The following ME3 variants were observed in gnomAD, a reference collection of about 807,000 sequenced individuals.
The protein encoded by ME3 is NADP-dependent malic enzyme, mitochondrial.
A neutral mutation model predicts 68.9 loss-of-function variants in ME3; 48 were observed. That is an observed-to-expected ratio of 0.70 (90% CI 0.55 to 0.89). The LOEUF (loss-of-function observed/expected upper bound fraction) is 0.89. Ranked by LOEUF, ME3 falls within the 40% of genes least tolerant of loss-of-function variation. The pLI, the probability that ME3 is intolerant of heterozygous loss-of-function variation, is 0.00. For synonymous variants in ME3, 320 were observed against 318.8 expected (o/e 1.00, Z -0.04); for missense variants, 675 against 797.4 (o/e 0.85, Z 1.85).
At chr11:86,446,585 C>T (rs1384324031) in intron 12 of ME3, 98 bp from the exon 13 acceptor site, 14 of 1,206,690 alleles carry the variant, frequency 1.2e-5, no homozygotes, top group African/African-American at 1.5e-5. Flanking sequence ...CCTTCTTCAT[C>T]CTCTCCCAAA....
At chr11:86,559,033 A>G (rs1957068744) in intron 3 of ME3, among the ~76,000 whole-genome samples, 1 of 152,178 alleles carries the variant, frequency 6.6e-6, no homozygotes, top group South Asian at 2.1e-4. Context: ...TCTGTGTTCA[A>G]ATTCTAGCCA....
intron 2 of ME3, among the ~76,000 whole-genome samples, chr11:86,596,001 C>G (rs1411767300): frequency 6.6e-6 from 1 of 152,224 alleles, no homozygotes; most frequent in African/African-American, 2.4e-5. Flanking sequence ...GAAATTCCAA[C>G]AAGTGTTCCC....
At chr11:86,528,968 C>G (rs2139249237) in intron 4 of ME3, among the ~76,000 whole-genome samples, 1 of 152,230 alleles carries the variant, frequency 6.6e-6, no homozygotes, top group South Asian at 2.1e-4. Flanking sequence ...GGAGCAAACA[C>G]ATTCAAAAGC....
At chr11:86,505,939 C>T (rs1025785668) in intron 5 of ME3, among the ~76,000 whole-genome samples, 4 of 152,188 alleles carry the variant, frequency 2.6e-5, no homozygotes, top group Admixed American at 2.6e-4. Flanking sequence ...CTGTCTGCCC[C>T]TTGTCCTCTG....
chr11:86,605,088 G>A (rs1007997421), intron 2 of ME3, among the ~76,000 whole-genome samples: 3 of 152,072 alleles, frequency 2.0e-5, no homozygotes, highest in Non-Finnish European at 4.4e-5. Flanking sequence ...TCATACAAAC[G>A]GAATCATAAC....
At chr11:86,644,866 C>T (rs1938920) in intron 2 of ME3, among the ~76,000 whole-genome samples, 67,730 of 152,002 alleles carry the variant, frequency 0.45, 16,868 homozygotes, top group Non-Finnish European at 0.57. Flanking sequence ...GTACCTGGCT[C>T]ATCTCACTGG....
In ME3 at chr11:86,465,078, G is replaced by A; in HGVS notation, c.919+13C>T. 1.3e-6 allele frequency: 2 copies of A among 1,589,416 alleles called. No homozygotes were observed. Among genetic ancestry groups the A allele is most frequent in the Non-Finnish European group, 1.7e-6 (2 of 1,157,802 alleles). ...AGTCCCCTGTAGCTTCATCAGGTGG[G>A]GTGGAAACCTACCTTGGATGTCATC... On this transcript the variant is annotated intron_variant, in intron 8 of 14. Coordinates refer to ENST00000543262, the Ensembl canonical transcript of ME3.
intron 2 of ME3, among the ~76,000 whole-genome samples, chr11:86,656,103 G>C (rs1228803024): frequency 6.7e-6 from 1 of 150,248 alleles, no homozygotes; most frequent in African/African-American, 2.4e-5. Flanking sequence ...GAAACAACAG[G>C]TGCTGGAGAG....
At chr11:86,463,364 C>G (rs909625888) in intron 8 of ME3, among the ~76,000 whole-genome samples, 1 of 152,228 alleles carries the variant, frequency 6.6e-6, no homozygotes, top group Non-Finnish European at 1.5e-5. Flanking sequence ...CGGTCAGGCT[C>G]TAGCAGGCAG....
chr11:86,520,879 G>C (rs545038059), intron 4 of ME3, among the ~76,000 whole-genome samples: 1 of 152,300 alleles, frequency 6.6e-6, no homozygotes, highest in African/African-American at 2.4e-5. Flanking sequence ...AAAGTTACCA[G>C]ACCTCTCTGA....
At chr11:86,612,071 C>G (rs1942623431) in intron 2 of ME3, among the ~76,000 whole-genome samples, 1 of 152,204 alleles carries the variant, frequency 6.6e-6, no homozygotes, top group Non-Finnish European at 1.5e-5. Context: ...CCTTGCCCCC[C>G]AACCCCCAAC....
At chr11:86,549,082 A>C (rs1203279669) in intron 4 of ME3, among the ~76,000 whole-genome samples, 1 of 152,214 alleles carries the variant, frequency 6.6e-6, no homozygotes, top group African/African-American at 2.4e-5. Context: ...AATGCTCACT[A>C]AAGTTGAGAT....
chr11:86,501,015 T>C (rs1459381859), intron 5 of ME3, among the ~76,000 whole-genome samples: 1 of 152,210 alleles, frequency 6.6e-6, no homozygotes, highest in African/African-American at 2.4e-5. Flanking sequence ...AACTTTGTTT[T>C]AAAATGCACA....
At chr11:86,448,207 G>A in exon 11 of ME3, 1 of 1,614,178 alleles carries the variant, frequency 6.2e-7, no homozygotes, top group East Asian at 2.2e-5. Flanking sequence ...TTGACTTCAG[G>A]ATGGTCTTGG....
At chr11:86,565,524 C>A (rs1957439148) in intron 2 of ME3, among the ~76,000 whole-genome samples, 3 of 152,126 alleles carry the variant, frequency 2.0e-5, no homozygotes, top group African/African-American at 4.8e-5. Flanking sequence ...TATATACATG[C>A]AATGAAAATT....
chr11:86,574,788 C>T (rs183246464), intron 2 of ME3, among the ~76,000 whole-genome samples: 30 of 152,294 alleles, frequency 2.0e-4, no homozygotes, highest in Admixed American at 1.4e-3. Context: ...TTCTCGTAGT[C>T]GCTCTTAAAA....
At chr11:86,565,920 G>C (rs1346533122) in intron 2 of ME3, among the ~76,000 whole-genome samples, 1 of 152,220 alleles carries the variant, frequency 6.6e-6, no homozygotes, top group Non-Finnish European at 1.5e-5. Context: ...TGCAGGAACT[G>C]TTCTCATAAG....
chr11:86,624,041 C>G (rs964705079), intron 2 of ME3, among the ~76,000 whole-genome samples: 1 of 152,190 alleles, frequency 6.6e-6, no homozygotes, highest in South Asian at 2.1e-4. Flanking sequence ...TCCATTCTTT[C>G]TCTTATAGTT....
At chr11:86,515,592 C>A (rs1953840536) in intron 4 of ME3, among the ~76,000 whole-genome samples, 1 of 152,166 alleles carries the variant, frequency 6.6e-6, no homozygotes, top group African/African-American at 2.4e-5. Context: ...CACTGTAAAA[C>A]CCTGTAGACA....
Sources: gnomAD v4.1 joint callset for allele counts (sites outside exome capture counted in the v4.1 genomes callset) on GRCh38, gnomAD v4.1.1 for gene constraint, MANE v1.5 for transcripts, NCBI Gene and HGNC (gene_info 2026-07-23, HGNC 2026-07-21) for gene names.